AFTPH: variants seen among roughly 807,000 people sequenced by gnomAD.
AFTPH encodes the protein aftiphilin, also known as aftiphilin protein.
Under a neutral mutation model 72.5 loss-of-function variants are expected in AFTPH, and 7 were observed. The ratio of observed to expected loss-of-function variants is 0.10; its 90% CI spans 0.05 to 0.18. The LOEUF is 0.18. Among genes scored for constraint, AFTPH ranks in the 10% least tolerant of loss-of-function variants. The probability of loss-of-function intolerance (pLI) is 1.00; values close to 1 mark genes in which losing one functional copy is unlikely to be tolerated. For synonymous variants in AFTPH, 337 were observed against 370.1 expected, an observed-to-expected ratio of 0.91 and a Z score of 1.03; for missense variants, 979 against 1,060.5, an observed-to-expected ratio of 0.92 and a Z score of 1.07.
At chr2:64,568,324 G>A (rs1672213150) in intron 3 of AFTPH, among the ~76,000 whole-genome samples, 1 of 151,776 alleles carries the variant, frequency 6.6e-6, no homozygotes, top group Admixed American at 6.6e-5. Context: ...TTTCTTTATA[G>A]TACAACTTCT....
At chr2:64,555,386 C>A (rs1276276870) in intron 2 of AFTPH, among the ~76,000 whole-genome samples, 1 of 151,988 alleles carries the variant, frequency 6.6e-6, no homozygotes, top group East Asian at 1.9e-4. Context: ...CATGGTGAGA[C>A]CCTGTCTCTA....
intron 1 of AFTPH, among the ~76,000 whole-genome samples, chr2:64,525,749 T>A (rs573787186): frequency 1.3e-5 from 2 of 152,368 alleles, no homozygotes; most frequent in East Asian, 3.9e-4. Flanking sequence ...CACAGTCACG[T>A]ACATTTTATA....
intron 5 of AFTPH, among the ~76,000 whole-genome samples, chr2:64,570,718 G>GT (rs1672362510): frequency 6.6e-6 from 1 of 152,148 alleles, no homozygotes; most frequent in African/African-American, 2.4e-5. Flanking sequence ...GGAACTAGGA[G>GT]TTTAATTTGT....
chr2:64,572,027 C>T (rs1037917751), intron 5 of AFTPH, among the ~76,000 whole-genome samples: 3 of 151,902 alleles, frequency 2.0e-5, no homozygotes, highest in Non-Finnish European at 4.4e-5. Context: ...ACCAGCCTGG[C>T]CAATGTGGAG....
intron 1 of AFTPH, among the ~76,000 whole-genome samples, chr2:64,540,487 GTTA>G (rs1017282986): frequency 8.5e-5 from 13 of 152,094 alleles, no homozygotes; most frequent in African/African-American, 2.9e-4. Flanking sequence ...AATAAAATAT[GTTA>G]TTATGAATTT....
At chr2:64,547,547 G>A (rs1670728517) in intron 1 of AFTPH, among the ~76,000 whole-genome samples, 1 of 152,106 alleles carries the variant, frequency 6.6e-6, no homozygotes, top group Admixed American at 6.5e-5. Flanking sequence ...GTATATTGTG[G>A]GGAAGTACTT....
intron 2 of AFTPH, among the ~76,000 whole-genome samples, chr2:64,564,668 C>T (rs1292549599): frequency 6.6e-6 from 1 of 151,828 alleles, no homozygotes. Context: ...GGAGTCTTGG[C>T]CCCTGGATCT....
intron 6 of AFTPH, among the ~76,000 whole-genome samples, chr2:64,574,223 A>C (rs548959940): frequency 1.3e-5 from 2 of 152,296 alleles, no homozygotes; most frequent in Non-Finnish European, 2.9e-5. Context: ...TTAACCTTAG[A>C]TGTCATTTTT....
intron 7 of AFTPH, among the ~76,000 whole-genome samples, chr2:64,583,715 G>T (rs1673343156): frequency 6.6e-6 from 1 of 152,046 alleles, no homozygotes. Context: ...CTTATTACAG[G>T]AACACAAAGG....
chr2:64,570,910 T>TCC (rs1270099419), intron 5 of AFTPH, among the ~76,000 whole-genome samples: 182 of 38,612 alleles, frequency 4.7e-3, no homozygotes, highest in Middle Eastern at 0.014. Flanking sequence ...ACTTCTTTCC[T>TCC]CCCCTCCCCC....
At chr2:64,581,082 A>G in intron 7 of AFTPH, 108 bp from the exon 8 acceptor site, 1 of 654,710 alleles carries the variant, frequency 1.5e-6, no homozygotes, top group Non-Finnish European at 2.6e-6. Context: ...ATTACTAATT[A>G]TAACCTGCAT....
intron 1 of AFTPH, among the ~76,000 whole-genome samples, chr2:64,534,696 C>A (rs1408530294): frequency 1.4e-5 from 2 of 147,826 alleles, no homozygotes; most frequent in Non-Finnish European, 3.0e-5. Flanking sequence ...ATAAGCATTT[C>A]TTTATGTTCA....
At chr2:64,584,696 A>AAG (rs1673402281) in intron 7 of AFTPH, among the ~76,000 whole-genome samples, 1 of 146,006 alleles carries the variant, frequency 6.8e-6, no homozygotes, top group Non-Finnish European at 1.5e-5. Flanking sequence ...TTCCGGGTTC[A>AAG]TGCCATTCTC....
At chr2:64,584,992 T>G (rs1673424946) in intron 7 of AFTPH, among the ~76,000 whole-genome samples, 2 of 152,060 alleles carry the variant, frequency 1.3e-5, no homozygotes, top group South Asian at 4.1e-4. Flanking sequence ...AGAGAAAAAA[T>G]AAGGAGGTGA....
intron 6 of AFTPH, among the ~76,000 whole-genome samples, chr2:64,578,502 C>CATTT (rs1261268065): frequency 4.6e-5 from 7 of 151,804 alleles, no homozygotes; most frequent in Non-Finnish European, 8.8e-5. Flanking sequence ...TTAAATTTAC[C>CATTT]ATTTGCTTAT....
At chr2:64,556,785 C>T (rs966000615) in intron 2 of AFTPH, among the ~76,000 whole-genome samples, 4 of 152,154 alleles carry the variant, frequency 2.6e-5, no homozygotes, top group Admixed American at 6.5e-5. Context: ...TGGGTCCAGC[C>T]AGTCTCAGAG....
intron 2 of AFTPH, among the ~76,000 whole-genome samples, chr2:64,561,789 C>T (rs1395916769): frequency 6.6e-6 from 1 of 152,078 alleles, no homozygotes; most frequent in African/African-American, 2.4e-5. Context: ...TATTTGTTAC[C>T]TTCATATTCA....
At chr2:64,554,373 CA>C (rs1474177097) in intron 2 of AFTPH, among the ~76,000 whole-genome samples, 1 of 152,202 alleles carries the variant, frequency 6.6e-6, no homozygotes, top group African/African-American at 2.4e-5. Context: ...CCTTGAACCT[CA>C]CTGCCTTATA....
intron 3 of AFTPH, among the ~76,000 whole-genome samples, chr2:64,568,567 A>G (rs1672229801): frequency 1.3e-5 from 2 of 152,220 alleles, no homozygotes; most frequent in South Asian, 4.1e-4. Context: ...CTACTCTCAC[A>G]TTCAATTTAT....
Sources: allele counts gnomAD v4.1 joint callset (sites outside exome capture counted in the v4.1 genomes callset), GRCh38; gene constraint gnomAD v4.1.1; transcripts MANE v1.5; gene names NCBI Gene and HGNC (gene_info 2026-07-23, HGNC 2026-07-21).